BLTP1: variants seen among roughly 807,000 people sequenced by gnomAD.
BLTP1 encodes the protein fragile site-associated protein.
chr4:122,186,287 C>T, the BLTP1 span: 1 of 1,370,252 alleles, frequency 7.3e-7, no homozygotes, highest in South Asian at 1.4e-5. Context: ...ATTAGAATAT[C>T]ATTGAGGCTA....
chr4:122,205,515 C>G, the BLTP1 span, among the ~76,000 whole-genome samples: 4 of 151,308 alleles, frequency 2.6e-5, no homozygotes, highest in African/African-American at 4.9e-5. Flanking sequence ...CTCTCTCTCT[C>G]TCTCTCTCTC....
At chr4:122,237,711 T>C in the BLTP1 span, 8 of 519,080 alleles carry the variant, frequency 1.5e-5, no homozygotes, top group Non-Finnish European at 2.0e-5. Flanking sequence ...TAGTCACTTG[T>C]GCTTTTTACA....
the BLTP1 span, chr4:122,186,302 C>A: frequency 2.9e-6 from 3 of 1,028,766 alleles, no homozygotes; most frequent in Non-Finnish European, 4.0e-6. Context: ...AGGCTATGCA[C>A]CTAAACAGAG....
chr4:122,306,069 A>G, the BLTP1 span: 25 of 1,566,974 alleles, frequency 1.6e-5, no homozygotes, highest in South Asian at 6.2e-5. Flanking sequence ...AATCACTACT[A>G]TCCTCTGGGA....
the BLTP1 span, among the ~76,000 whole-genome samples, chr4:122,252,115 A>T: frequency 6.6e-6 from 1 of 152,178 alleles, no homozygotes; most frequent in African/African-American, 2.4e-5. Flanking sequence ...CCTGCTGACT[A>T]AAGAGCCTTT....
the BLTP1 span, chr4:122,239,437 G>C: frequency 8.5e-7 from 1 of 1,182,118 alleles, no homozygotes; most frequent in African/African-American, 1.6e-5. Flanking sequence ...ATTACTAAAA[G>C]GATTTTTATT....
chr4:122,349,812 TA>T, the BLTP1 span: 1 of 1,595,310 alleles, frequency 6.3e-7, no homozygotes, highest in Non-Finnish European at 8.6e-7. This position sits in a 1 kb window ranked among gnomAD's most constrained non-coding sequence, Gnocchi z 4.5. Context: ...ACTTTTTGAG[TA>T]TCTGCTGTAA....
chr4:122,339,511 A>G, the BLTP1 span: 2 of 791,682 alleles, frequency 2.5e-6, no homozygotes, highest in African/African-American at 1.8e-5. Flanking sequence ...TATTTGGAAA[A>G]GGGGAATATT....
the BLTP1 span, chr4:122,200,584 A>C: frequency 1.3e-5 from 3 of 224,940 alleles, no homozygotes; most frequent in Non-Finnish European, 1.7e-5. Flanking sequence ...GTCTCAAAAC[A>C]AAAAAAAAAA....
At chr4:122,238,408 A>G in the BLTP1 span, 1 of 1,473,824 alleles carries the variant, frequency 6.8e-7, no homozygotes, top group Non-Finnish European at 9.3e-7. Flanking sequence ...ATTGTTTAAA[A>G]TTCTGGCAAG....
At chr4:122,301,293 C>A in the BLTP1 span, 5 of 1,570,514 alleles carry the variant, frequency 3.2e-6, no homozygotes, top group Non-Finnish European at 4.3e-6. Context: ...ACTCTTCTTT[C>A]CTTTAGGTGG....
At chr4:122,334,520 T>G in the BLTP1 span, 1 of 1,612,658 alleles carries the variant, frequency 6.2e-7, no homozygotes, top group African/African-American at 1.3e-5. Context: ...CCTTACTTCC[T>G]CCCCAGCCCC....
At chr4:122,152,508 C>T in the BLTP1 span, 2 of 985,692 alleles carry the variant, frequency 2.0e-6, no homozygotes, top group African/African-American at 1.7e-5. Flanking sequence ...CGTCGCCGCC[C>T]CTGCCGCCGC....
At chr4:122,351,374 T>A in the BLTP1 span, 1 of 233,434 alleles carries the variant, frequency 4.3e-6, no homozygotes, top group Non-Finnish European at 7.0e-6. Context: ...GCGTACATTT[T>A]AAGAAAATAT....
chr4:122,238,467 T>A, the BLTP1 span: 4 of 724,146 alleles, frequency 5.5e-6, no homozygotes, highest in African/African-American at 3.6e-5. Context: ...TTGTTACCTG[T>A]ATATCTGAAC....
At chr4:122,276,915 T>A in the BLTP1 span, 2 of 985,394 alleles carry the variant, frequency 2.0e-6, no homozygotes. Context: ...TTAAATGTGA[T>A]GAACTGGTTC....
chr4:122,337,617 G>A, the BLTP1 span, among the ~76,000 whole-genome samples: 1 of 151,792 alleles, frequency 6.6e-6, no homozygotes. Flanking sequence ...AAATATTTAA[G>A]TTAAAACCCT....
chr4:122,302,210 A>G, the BLTP1 span: 1 of 929,826 alleles, frequency 1.1e-6, no homozygotes, highest in Non-Finnish European at 1.3e-6. Context: ...TAAAATATCA[A>G]AATGAAACAT....
At chr4:122,336,476 A>G in the BLTP1 span, 1 of 782,228 alleles carries the variant, frequency 1.3e-6, no homozygotes, top group Non-Finnish European at 1.8e-6. Flanking sequence ...TTAAAGAATT[A>G]TAAACTGTAA....
Sources: allele counts gnomAD v4.1 joint callset (sites outside exome capture counted in the v4.1 genomes callset), GRCh38; gene constraint gnomAD v4.1.1; non-coding constraint Gnocchi (gnomAD v3.1); transcripts MANE v1.5; gene names NCBI Gene and HGNC (gene_info 2026-07-23, HGNC 2026-07-21).